EXT1: variants seen among roughly 807,000 people sequenced by gnomAD.
The protein encoded by EXT1 is exostosin-1.
EXT1 carries 20 observed loss-of-function variants against 82.5 expected under a neutral mutation model. The ratio of observed to expected loss-of-function variants is 0.24; its 90% CI spans 0.17 to 0.35. The LOEUF (loss-of-function observed/expected upper bound fraction) is 0.35, where lower values mean the gene tolerates loss of function less well. Among genes scored for constraint, EXT1 ranks in the 10% least tolerant of loss-of-function variants. The pLI is 1.00. For missense variants in EXT1, 757 were observed against 936.5 expected (o/e 0.81, Z 2.50); for synonymous variants, 348 against 350.8 (o/e 0.99, Z 0.09).
chr8:117,929,652 G>T (rs2447539), intron 1 of EXT1, among the ~76,000 whole-genome samples: 4 of 152,026 alleles, frequency 2.6e-5, no homozygotes, highest in African/African-American at 7.3e-5. Context: ...GGGACATAGG[G>T]GATGAGACTG....
intron 6 of EXT1, 106 bp from the exon 7 acceptor site, chr8:117,818,636 T>G: frequency 1.1e-6 from 1 of 941,824 alleles, no homozygotes; most frequent in Non-Finnish European, 1.7e-6. Context: ...GAGCTGGAAA[T>G]CTCAGCAAGA....
chr8:118,042,753 G>A (rs1201134109), intron 1 of EXT1, among the ~76,000 whole-genome samples: 2 of 152,140 alleles, frequency 1.3e-5, no homozygotes, highest in Non-Finnish European at 2.9e-5. Flanking sequence ...ACAACACCAT[G>A]TCCAAAACCT....
chr8:117,890,599 T>A (rs1469006187), intron 1 of EXT1, among the ~76,000 whole-genome samples: 2 of 152,042 alleles, frequency 1.3e-5, no homozygotes, highest in Non-Finnish European at 2.9e-5. Flanking sequence ...ATGAAGAGAG[T>A]CTATAGTTGT....
At chr8:117,938,488 T>TAAATG (rs1416891134) in intron 1 of EXT1, among the ~76,000 whole-genome samples, 1 of 136,698 alleles carries the variant, frequency 7.3e-6, no homozygotes, top group African/African-American at 3.7e-5. Context: ...ATAATAATAA[T>TAAATG]AAACAAAATT....
At chr8:118,088,200 T>A (rs76763990) in intron 1 of EXT1, among the ~76,000 whole-genome samples, 6,383 of 152,170 alleles carry the variant, frequency 0.042, 256 homozygotes, top group Non-Finnish European at 0.058. Flanking sequence ...TTGGGGAAAC[T>A]AAAGCCAATG....
At chr8:117,952,138 T>A (rs1400661353) in intron 1 of EXT1, among the ~76,000 whole-genome samples, 1 of 152,204 alleles carries the variant, frequency 6.6e-6, no homozygotes, top group East Asian at 1.9e-4. Context: ...AAGAACTAAT[T>A]CGGTAATTAC....
intron 1 of EXT1, among the ~76,000 whole-genome samples, chr8:118,078,792 T>C (rs1473217058): frequency 6.6e-6 from 1 of 151,672 alleles, no homozygotes; most frequent in Non-Finnish European, 1.5e-5. Context: ...AAACCAAGAG[T>C]GAGACGTGCA....
intron 1 of EXT1, among the ~76,000 whole-genome samples, chr8:117,998,685 G>GT (rs1412826971): frequency 6.6e-6 from 1 of 152,200 alleles, no homozygotes; most frequent in Non-Finnish European, 1.5e-5. Flanking sequence ...ATATGAAGGT[G>GT]TTCTGTGCCC....
intron 1 of EXT1, among the ~76,000 whole-genome samples, chr8:117,967,563 G>T (rs1814848793): frequency 6.6e-6 from 1 of 152,110 alleles, no homozygotes; most frequent in Non-Finnish European, 1.5e-5. Context: ...AACAAACTTT[G>T]GGGGAAAAAG....
At chr8:117,888,038 T>C (rs944884430) in intron 1 of EXT1, among the ~76,000 whole-genome samples, 1 of 151,548 alleles carries the variant, frequency 6.6e-6, no homozygotes, top group African/African-American at 2.4e-5. Flanking sequence ...TAAGCTGAGA[T>C]CACGCCATTG....
intron 1 of EXT1, among the ~76,000 whole-genome samples, chr8:117,870,888 C>A (rs1460454340): frequency 2.0e-5 from 3 of 150,400 alleles, no homozygotes; most frequent in African/African-American, 7.5e-5. Flanking sequence ...TTTAATGATC[C>A]AATTTAAAAC....
intron 1 of EXT1, among the ~76,000 whole-genome samples, chr8:117,964,629 GTT>G (rs1563614875): frequency 0.018 from 2,579 of 139,798 alleles, 72 homozygotes; most frequent in African/African-American, 0.063. Flanking sequence ...GTGTGTGTTT[GTT>G]TGTTTGTTTG....
intron 1 of EXT1, among the ~76,000 whole-genome samples, chr8:117,886,336 G>A (rs1238984666): frequency 2.0e-5 from 3 of 152,102 alleles, no homozygotes; most frequent in Admixed American, 2.0e-4. Flanking sequence ...TATTCACTAG[G>A]GTTCCAGTGT....
intron 1 of EXT1, among the ~76,000 whole-genome samples, chr8:117,856,617 A>G (rs1328371819): frequency 1.3e-5 from 2 of 151,904 alleles, no homozygotes; most frequent in Non-Finnish European, 2.9e-5. Context: ...GCTACAGAAG[A>G]AAAGTTTGAA....
intron 1 of EXT1, among the ~76,000 whole-genome samples, chr8:117,844,401 C>T (rs1812320892): frequency 1.3e-5 from 2 of 152,044 alleles, no homozygotes; most frequent in Admixed American, 1.3e-4. Context: ...GATCCTCCTA[C>T]CTCAGCCTCT....
chr8:117,836,648 T>C (rs2086521592), intron 2 of EXT1, among the ~76,000 whole-genome samples: 1 of 151,998 alleles, frequency 6.6e-6, no homozygotes, highest in African/African-American at 2.4e-5. Flanking sequence ...CCAGGACCTC[T>C]GAACTGCAGA....
At chr8:118,072,971 G>A (rs1016595395) in intron 1 of EXT1, among the ~76,000 whole-genome samples, 4 of 152,180 alleles carry the variant, frequency 2.6e-5, no homozygotes, top group Non-Finnish European at 5.9e-5. Flanking sequence ...CGAGGAGCAC[G>A]ATTACCAAAT....
intron 1 of EXT1, among the ~76,000 whole-genome samples, chr8:117,914,621 A>C (rs917428336): frequency 6.6e-6 from 1 of 152,182 alleles, no homozygotes; most frequent in Non-Finnish European, 1.5e-5. Flanking sequence ...GGGGAGGTCT[A>C]TAAACGGCCG....
At chr8:118,109,931 G>C (rs1367831477) in intron 1 of EXT1, among the ~76,000 whole-genome samples, 154 bp downstream of exon 1, 1 of 152,164 alleles carries the variant, frequency 6.6e-6, no homozygotes, top group Non-Finnish European at 1.5e-5. Flanking sequence ...GCCTCTAGCT[G>C]CACACCCGAA....
Sources: gnomAD v4.1 joint callset for allele counts (sites outside exome capture counted in the v4.1 genomes callset) on GRCh38, gnomAD v4.1.1 for gene constraint, MANE v1.5 for transcripts, NCBI Gene and HGNC (gene_info 2026-07-23, HGNC 2026-07-21) for gene names.